The following ZNF398 variants were observed in gnomAD, a reference collection of about 807,000 sequenced individuals.
The protein encoded by ZNF398 is zinc finger protein 398.
ZNF398 carries 18 observed loss-of-function variants against 41.9 expected under a neutral mutation model. The ratio of observed to expected loss-of-function variants is 0.43; its 90% CI spans 0.30 to 0.64. The LOEUF (loss-of-function observed/expected upper bound fraction) is 0.64, where lower values mean the gene tolerates loss of function less well. Ranked by LOEUF, ZNF398 falls within the 30% of genes least tolerant of loss-of-function variation. The pLI is 0.14. For missense variants in ZNF398, 669 were observed against 822.8 expected, an observed-to-expected ratio of 0.81 and a Z score of 2.29; for synonymous variants, 260 against 308.8, an observed-to-expected ratio of 0.84 and a Z score of 1.66.
chr7:149,148,074 T>G (rs1827003819), intron 1 of ZNF398: 1 of 325,988 alleles, frequency 3.1e-6, no homozygotes, highest in Non-Finnish European at 5.6e-6. Context: ...GCCCCACGCC[T>G]GCCCGCCAGA....
intron 5 of ZNF398, among the ~76,000 whole-genome samples, chr7:149,178,020 G>A (rs140013682): frequency 0.018 from 2,734 of 152,250 alleles, 74 homozygotes; most frequent in African/African-American, 0.063. Context: ...AGCTGGACGC[G>A]GTGGCTCATG....
chr7:149,178,961 C>T lies in ZNF398; in HGVS notation c.1089C>T (p.Ser363=), dbSNP rs1563167681. The T allele has an allele frequency of 6.2e-7, 1 of 1,614,136 alleles. No homozygotes were observed. Among genetic ancestry groups the T allele is most frequent in the East Asian group, 2.2e-5 (1 of 44,888 alleles). ...ACATGTTGCTGACCCACCAATGTAG[C>T]CATGCTACTGAGCACCCCTTACCCT... ...SQDMLLTHQC[S]HATEHPLPCA... is the part of the protein sequence containing the mutation. The change falls in exon 6 of 6, where the codon AGC becomes AGT. Residue 363 remains serine (S), a synonymous_variant. Coordinates refer to ENST00000475153, the MANE Select transcript of ZNF398 (RefSeq NM_170686.3).
At chr7:149,178,623 A>G (rs980262168) in intron 5 of ZNF398, 25 bp from the exon 6 acceptor site, 7 of 1,598,414 alleles carry the variant, frequency 4.4e-6, no homozygotes, top group Middle Eastern at 3.4e-4. Context: ...ATTGATGGGT[A>G]TAACTCTGGA....
In ZNF398 at chr7:149,150,284, C is replaced by T. The variant is rs1827079874; in HGVS notation, c.24+2518C>T. On this transcript the variant is annotated intron_variant, in intron 1 of 5. Coordinates refer to ENST00000475153, the MANE Select transcript of ZNF398 (RefSeq NM_170686.3). ...AAGTCTTACTACTCAGTGTCAGCAT[C>T]ACCTGGGAATTTGTTAAAAATACAA... Among the ~76,000 whole-genome samples, 3 of 152,144 alleles carry T rather than the reference C, an allele frequency of 2.0e-5. No homozygotes were observed. The South Asian group carries it at 6.2e-4, about 31-fold the overall frequency.
upstream of ZNF398, among the ~76,000 whole-genome samples, chr7:149,144,040 A>G (rs536467339): frequency 5.2e-4 from 79 of 152,314 alleles, no homozygotes; most frequent in African/African-American, 1.9e-3. Context: ...CAGTCAGTGA[A>G]ATTGCTTAAT....
At chr7:149,141,893 TC>T (rs1253976779) in intron 2 of ZNF398, among the ~76,000 whole-genome samples, 3 of 152,170 alleles carry the variant, frequency 2.0e-5, no homozygotes, top group African/African-American at 7.2e-5. Flanking sequence ...CCGGCCCTAA[TC>T]CACAGACTTT....
At chr7:149,175,841 C>G (rs141389464) in intron 4 of ZNF398, among the ~76,000 whole-genome samples, 6 of 152,188 alleles carry the variant, frequency 3.9e-5, no homozygotes, top group Non-Finnish European at 8.8e-5. Flanking sequence ...CCTGCCACCA[C>G]GCCTGACTAA....
chr7:149,146,168 A>G (rs1826933184), upstream of ZNF398, among the ~76,000 whole-genome samples: 1 of 151,566 alleles, frequency 6.6e-6, no homozygotes, highest in East Asian at 2.0e-4. Context: ...GCTGGTCTGG[A>G]ACTCAGGTGA....
intron 4 of ZNF398, among the ~76,000 whole-genome samples, chr7:149,172,584 A>G (rs1235291019): frequency 6.6e-6 from 1 of 152,220 alleles, no homozygotes; most frequent in Admixed American, 6.5e-5. Context: ...TAAGGAAGGA[A>G]GGAAGTTACA....
chr7:149,174,688 T>C (rs1425742623), intron 4 of ZNF398, among the ~76,000 whole-genome samples: 2 of 152,054 alleles, frequency 1.3e-5, no homozygotes, highest in African/African-American at 4.8e-5. Flanking sequence ...TAGCTGGGCA[T>C]GGTGGCACAC....
chr7:149,176,035 A>T (rs1348939591), intron 4 of ZNF398, among the ~76,000 whole-genome samples: 4 of 152,124 alleles, frequency 2.6e-5, no homozygotes, highest in Non-Finnish European at 5.9e-5. Context: ...ATAGTTATTT[A>T]GAAATAAATA....
intron 4 of ZNF398, among the ~76,000 whole-genome samples, chr7:149,169,081 T>C (rs6955564): frequency 0.54 from 81,986 of 152,154 alleles, 25,626 homozygotes; most frequent in East Asian, 0.9. Context: ...ATCATTGTAT[T>C]TTATGGGATG....
intron 2 of ZNF398, among the ~76,000 whole-genome samples, chr7:149,131,450 G>A (rs1309921724): frequency 1.3e-5 from 2 of 152,164 alleles, no homozygotes; most frequent in Non-Finnish European, 2.9e-5. Flanking sequence ...CAATTTGGGA[G>A]GCAGAGGCTG....
chr7:149,148,476 C>T, intron 1 of ZNF398: 16 of 985,510 alleles, frequency 1.6e-5, no homozygotes, highest in Non-Finnish European at 1.9e-5. Flanking sequence ...ATTTGCCACC[C>T]AAGAGGTCTT....
At chr7:149,178,554 G>A in intron 5 of ZNF398, 94 bp from the exon 6 acceptor site, 1 of 1,062,224 alleles carries the variant, frequency 9.4e-7, no homozygotes. Flanking sequence ...TCTGATCTGA[G>A]CTTCGAGTGA....
rs976853277 is a variant in ZNF398, at chr7:149,181,619, T to C, written c.*1818T>C. 2.0e-5 allele frequency: 3 copies of C among 152,208 alleles called. No homozygotes were observed. Among genetic ancestry groups the C allele is most frequent in the Non-Finnish European group, 4.4e-5 (3 of 68,038 alleles). 9.4% of individuals were successfully genotyped at this position (152,208 alleles called of 1,614,324 possible). ...CTGGGAAGGCTATGTCTGAACATGT[T>C]GCTCTGTAGGATAATCACACTTAGA... On this transcript the variant is annotated 3_prime_UTR_variant, in exon 6 of 6. Coordinates refer to ENST00000475153, the MANE Select transcript of ZNF398 (RefSeq NM_170686.3).
At chr7:149,146,910 A>T (rs2129519909), upstream of ZNF398, among the ~76,000 whole-genome samples, 1 of 152,206 alleles carries the variant, frequency 6.6e-6, no homozygotes, top group Non-Finnish European at 1.5e-5. Context: ...AGAGTCAATA[A>T]TCCGAGATGT....
At chr7:149,154,988 T>TAA (rs35980793) in intron 2 of ZNF398, among the ~76,000 whole-genome samples, 12 of 132,072 alleles carry the variant, frequency 9.1e-5, no homozygotes, top group African/African-American at 3.2e-4. Context: ...AAACTCCTTC[T>TAA]AAAAAAAAAA....
At chr7:149,176,182 T>A (rs1339841600) in intron 4 of ZNF398, among the ~76,000 whole-genome samples, 1 of 151,502 alleles carries the variant, frequency 6.6e-6, no homozygotes, top group African/African-American at 2.4e-5. Context: ...AACAAAAAAA[T>A]TTAAAAAAAA....
Sources: gnomAD v4.1 joint callset for allele counts (sites outside exome capture counted in the v4.1 genomes callset) on GRCh38, gnomAD v4.1.1 for gene constraint, MANE v1.5 for transcripts, NCBI Gene and HGNC (gene_info 2026-07-23, HGNC 2026-07-21) for gene names.